The following KCNB2 variants were observed in gnomAD, a reference collection of about 807,000 sequenced individuals.
The protein encoded by KCNB2 is delayed rectifier potassium channel protein.
Under a neutral mutation model 61.5 loss-of-function variants are expected in KCNB2, and 15 were observed. The observed-to-expected ratio is 0.24, with a 90% CI of 0.16 to 0.38. KCNB2 has a LOEUF of 0.38. Among genes scored for constraint, KCNB2 ranks in the 10% least tolerant of loss-of-function variants. The pLI is 1.00. For synonymous variants in KCNB2, 457 were observed against 446.0 expected (o/e 1.02, Z -0.31); for missense variants, 828 against 1,125.2 (o/e 0.74, Z 3.78).
chr8:72,764,914 A>G (rs903845799), intron 2 of KCNB2, among the ~76,000 whole-genome samples: 2 of 152,202 alleles, frequency 1.3e-5, no homozygotes, highest in African/African-American at 4.8e-5. Flanking sequence ...ATTCCCTGAC[A>G]GGAGATGACA....
At chr8:72,766,164 T>G (rs1422947813) in intron 2 of KCNB2, among the ~76,000 whole-genome samples, 5 of 152,182 alleles carry the variant, frequency 3.3e-5, no homozygotes, top group Non-Finnish European at 7.3e-5. Flanking sequence ...TTCTCAAGCC[T>G]TGGCTCCCTG....
At chr8:72,826,984 T>C (rs1339255172) in intron 2 of KCNB2, among the ~76,000 whole-genome samples, 1 of 152,260 alleles carries the variant, frequency 6.6e-6, no homozygotes, top group Non-Finnish European at 1.5e-5. Flanking sequence ...AGAGAAAGGA[T>C]CAAACAGTGG....
At chr8:72,661,875 T>A (rs998500648) in intron 2 of KCNB2, among the ~76,000 whole-genome samples, 3 of 152,194 alleles carry the variant, frequency 2.0e-5, no homozygotes, top group African/African-American at 7.2e-5. Context: ...ACCTGGAGAC[T>A]TACAGTCTTT....
At chr8:72,697,618 C>T (rs1215298870) in intron 2 of KCNB2, among the ~76,000 whole-genome samples, 1 of 152,004 alleles carries the variant, frequency 6.6e-6, no homozygotes, top group East Asian at 1.9e-4. Flanking sequence ...CACTGTGCTC[C>T]AGCCTGGGCA....
At chr8:72,806,407 A>G (rs1029759204) in intron 2 of KCNB2, among the ~76,000 whole-genome samples, 1 of 151,568 alleles carries the variant, frequency 6.6e-6, no homozygotes, top group African/African-American at 2.4e-5. Flanking sequence ...GATCCAGACC[A>G]TCATCCTGGC....
intron 2 of KCNB2, among the ~76,000 whole-genome samples, chr8:72,815,747 A>T (rs1209245268): frequency 6.6e-6 from 1 of 152,148 alleles, no homozygotes; most frequent in African/African-American, 2.4e-5. Context: ...AAAGTTTTGC[A>T]TGCAGGATTC....
chr8:72,786,633 C>G (rs1335268230), intron 2 of KCNB2, among the ~76,000 whole-genome samples: 2 of 152,168 alleles, frequency 1.3e-5, no homozygotes, highest in African/African-American at 4.8e-5. Flanking sequence ...CAATACTTCT[C>G]TGTTTGATTC....
intron 2 of KCNB2, among the ~76,000 whole-genome samples, chr8:72,662,903 CT>C (rs1278040916): frequency 1.4e-4 from 22 of 152,134 alleles, no homozygotes; most frequent in Admixed American, 1.4e-3. Context: ...TTTTCAGACT[CT>C]TTTTGAATAT....
intron 2 of KCNB2, among the ~76,000 whole-genome samples, chr8:72,891,694 G>T (rs1213995045): frequency 6.6e-6 from 1 of 152,146 alleles, no homozygotes; most frequent in Non-Finnish European, 1.5e-5. Flanking sequence ...ATAAATCTTT[G>T]TATTATAGAA....
At chr8:72,794,107 G>A (rs75035014) in intron 2 of KCNB2, among the ~76,000 whole-genome samples, 13,050 of 152,190 alleles carry the variant, frequency 0.086, 922 homozygotes, top group East Asian at 0.38. Flanking sequence ...TGAGGAAAGC[G>A]GTTAAGAGAC....
At position 72,866,126 on chromosome 8, in the gene KCNB2, AC is replaced by A. The variant is rs1377849641; in HGVS notation, c.580-69808del. On this transcript the variant is annotated intron_variant, in intron 2 of 2. Transcript: ENST00000523207. Reference sequence around the variant, plus strand: ...GAGCTATCAGTAATGGAAAAGGCCAACAAAAACATCTGAGTATGCTGAGCAT... The same window carrying A: ...GAGCTATCAGTAATGGAAAAGGCCAAAAAAACATCTGAGTATGCTGAGCAT... Among the ~76,000 whole-genome samples the A allele has an allele frequency of 2.6e-5, 4 of 152,204 alleles. No individual in the cohort carries two copies. The East Asian group carries it at 5.8e-4, about 22-fold the overall frequency.
intron 2 of KCNB2, among the ~76,000 whole-genome samples, chr8:72,770,800 A>C (rs1180816448): frequency 6.6e-6 from 1 of 152,256 alleles, no homozygotes; most frequent in African/African-American, 2.4e-5. Context: ...TTCAGAAATC[A>C]ATATAGATGC....
intron 2 of KCNB2, among the ~76,000 whole-genome samples, chr8:72,799,623 A>G (rs1366839826): frequency 1.3e-5 from 2 of 152,166 alleles, no homozygotes; most frequent in Non-Finnish European, 2.9e-5. Context: ...GTCCATGACC[A>G]TAGAGTTACA....
At chr8:72,833,371 C>A (rs1809729460) in intron 2 of KCNB2, among the ~76,000 whole-genome samples, 1 of 151,934 alleles carries the variant, frequency 6.6e-6, no homozygotes, top group Admixed American at 6.6e-5. Flanking sequence ...TTTTAGATAC[C>A]TACTATGAAA....
rs1222134511 is a variant in KCNB2, at chr8:72,859,797, G to A, written c.580-76138G>A. On this transcript the variant is annotated intron_variant, in intron 2 of 2. Coordinates refer to ENST00000523207, the MANE Select transcript of KCNB2 (RefSeq NM_004770.3). The stretch of plus-strand genomic sequence containing the variant: ...TACAATGGCATGATCTCAGCTCACC[G>A]CAACCTCCGCCCCCTGGGTTCAAGC... Among the ~76,000 whole-genome samples, 7 of 122,760 alleles carry A rather than the reference G, an allele frequency of 5.7e-5. No individual in the cohort carries two copies. In the East Asian group the frequency reaches 8.5e-4, roughly 15 times the overall value. The allele number at this position is 122,760 out of a possible 152,430, so 80.5% of individuals were successfully genotyped here.
At chr8:72,777,691 A>G (rs2891342) in intron 2 of KCNB2, among the ~76,000 whole-genome samples, 7,586 of 152,222 alleles carry the variant, frequency 0.05, 481 homozygotes, top group African/African-American at 0.14. Context: ...TGTTTGTGTC[A>G]GTATGCTTAA....
chr8:72,762,032 TG>T (rs1253540742), intron 2 of KCNB2, among the ~76,000 whole-genome samples: 1 of 152,234 alleles, frequency 6.6e-6, no homozygotes, highest in African/African-American at 2.4e-5. Flanking sequence ...GCATTACTTT[TG>T]GGGTTTAGAG....
intron 2 of KCNB2, among the ~76,000 whole-genome samples, chr8:72,926,850 A>C (rs1397732360): frequency 6.6e-6 from 1 of 152,100 alleles, no homozygotes. Context: ...CTTCAGCTGC[A>C]CCCTGCGCCC....
At chr8:72,555,226 G>C (rs932095648) in intron 1 of KCNB2, among the ~76,000 whole-genome samples, 2 of 151,860 alleles carry the variant, frequency 1.3e-5, no homozygotes, top group African/African-American at 2.4e-5. Context: ...GAGAAATAAT[G>C]AGAATTCTCA....
Sources: gnomAD v4.1 joint callset for allele counts (sites outside exome capture counted in the v4.1 genomes callset) on GRCh38, gnomAD v4.1.1 for gene constraint, MANE v1.5 for transcripts, NCBI Gene and HGNC (gene_info 2026-07-23, HGNC 2026-07-21) for gene names.